FILIP1L: variants seen among roughly 807,000 people sequenced by gnomAD.
FILIP1L encodes filamin A interacting protein 1 like, also known as filamin A-interacting protein 1-like.
FILIP1L carries 55 observed loss-of-function variants against 96.6 expected under a neutral mutation model. That is an observed-to-expected ratio of 0.57 (90% CI 0.46 to 0.71). The LOEUF is 0.71. Among genes scored for constraint, FILIP1L ranks in the 30% least tolerant of loss-of-function variants. FILIP1L has a pLI of 0.00. For synonymous variants in FILIP1L, 467 were observed against 473.9 expected, an observed-to-expected ratio of 0.99 and a Z score of 0.19; for missense variants, 1,304 against 1,321.2, an observed-to-expected ratio of 0.99 and a Z score of 0.20.
At chr3:99,928,317 T>C (rs1576579117) in intron 3 of FILIP1L, among the ~76,000 whole-genome samples, 1 of 152,336 alleles carries the variant, frequency 6.6e-6, no homozygotes, top group East Asian at 1.9e-4. Flanking sequence ...GGAGTTATTT[T>C]GGCTTCGAGG....
chr3:99,903,406 C>T (rs1706504902), intron 4 of FILIP1L, among the ~76,000 whole-genome samples: 1 of 152,134 alleles, frequency 6.6e-6, no homozygotes, highest in Non-Finnish European at 1.5e-5. Flanking sequence ...CGCCTGCCAC[C>T]ACACCCAGCT....
intron 1 of FILIP1L, among the ~76,000 whole-genome samples, chr3:100,015,995 T>C (rs562523293): frequency 4.3e-4 from 66 of 152,334 alleles, no homozygotes; most frequent in African/African-American, 1.5e-3. Context: ...CTAAAATATT[T>C]TCATTGCTTT....
intron 1 of FILIP1L, among the ~76,000 whole-genome samples, chr3:99,933,826 A>T (rs1430122986): frequency 6.6e-6 from 1 of 152,198 alleles, no homozygotes; most frequent in African/African-American, 2.4e-5. Flanking sequence ...GGCATGCATT[A>T]GGGTGACTGG....
chr3:99,972,575 T>C (rs955605032), intron 1 of FILIP1L, among the ~76,000 whole-genome samples: 2 of 152,236 alleles, frequency 1.3e-5, no homozygotes, highest in African/African-American at 4.8e-5. Context: ...CCAGTCATTC[T>C]TTCCAGAGTA....
intron 1 of FILIP1L, among the ~76,000 whole-genome samples, chr3:100,011,444 G>GACTA (rs1710154426): frequency 6.6e-6 from 1 of 152,032 alleles, no homozygotes; most frequent in Non-Finnish European, 1.5e-5. Flanking sequence ...ACACCCAGAG[G>GACTA]ACTAGTTAGA....
chr3:99,985,527 A>G (rs1055834514), intron 1 of FILIP1L, among the ~76,000 whole-genome samples: 17 of 152,158 alleles, frequency 1.1e-4, no homozygotes, highest in African/African-American at 4.1e-4. Context: ...GCCAATTCAT[A>G]CTTTTAAAAT....
intron 4 of FILIP1L, among the ~76,000 whole-genome samples, chr3:99,914,584 A>G (rs1433974139): frequency 1.3e-5 from 2 of 152,242 alleles, no homozygotes; most frequent in Non-Finnish European, 2.9e-5. Context: ...AGGTAAAGTT[A>G]TAAAGTAAGA....
intron 3 of FILIP1L, among the ~76,000 whole-genome samples, chr3:99,924,716 T>A (rs1281849368): frequency 6.6e-6 from 1 of 152,138 alleles, no homozygotes; most frequent in Non-Finnish European, 1.5e-5. Flanking sequence ...GAGACAGGGT[T>A]TCTCCACGTT....
chr3:99,937,468 TAGAA>T (rs1320464821), intron 1 of FILIP1L, among the ~76,000 whole-genome samples: 1 of 152,244 alleles, frequency 6.6e-6, no homozygotes, highest in Non-Finnish European at 1.5e-5. Context: ...CATGTCTTAA[TAGAA>T]AGAGTATGAG....
At chr3:99,926,187 T>C (rs1452222040) in intron 3 of FILIP1L, among the ~76,000 whole-genome samples, 1 of 152,228 alleles carries the variant, frequency 6.6e-6, no homozygotes, top group Non-Finnish European at 1.5e-5. Flanking sequence ...GGGCACAAAA[T>C]GACCAAGTCA....
At chr3:100,109,158 G>A (rs1319351677) in intron 1 of FILIP1L, among the ~76,000 whole-genome samples, 1 of 150,980 alleles carries the variant, frequency 6.6e-6, no homozygotes, top group Non-Finnish European at 1.5e-5. Flanking sequence ...GTAAATCAAG[G>A]TGGTTGGACT....
At chr3:99,919,303 C>G (rs1057141368) in intron 4 of FILIP1L, among the ~76,000 whole-genome samples, 1 of 151,300 alleles carries the variant, frequency 6.6e-6, no homozygotes, top group Non-Finnish European at 1.5e-5. Context: ...CTCATAATGC[C>G]TTAGAAGAAT....
At chr3:99,952,012 AT>A (rs998613697) in intron 1 of FILIP1L, among the ~76,000 whole-genome samples, 3 of 152,284 alleles carry the variant, frequency 2.0e-5, no homozygotes, top group African/African-American at 7.2e-5. Context: ...GTTGAAATTT[AT>A]TTTAAAAATT....
rs145116813 is a variant in FILIP1L at position 99,922,947 on chromosome 3, C to T, written c.605+1283G>A. Among the ~76,000 whole-genome samples the T allele has an allele frequency of 1.1e-4, 16 of 152,238 alleles. No individual in the cohort carries two copies. The East Asian group carries it at 3.1e-3, about 29-fold the overall frequency. On this transcript the variant is annotated intron_variant, in intron 4 of 5. Coordinates refer to ENST00000477258, the MANE Select transcript of FILIP1L (RefSeq NM_001387850.1). ...TATTGAAATGGCTCATTAAGTTCCTCAGTATTTTCTTCATTGCCAAATCCT... is the reference window on the plus strand; with the variant it reads ...TATTGAAATGGCTCATTAAGTTCCTTAGTATTTTCTTCATTGCCAAATCCT...
At chr3:99,983,462 GTGTA>G (rs1221999592) in intron 1 of FILIP1L, among the ~76,000 whole-genome samples, 851 of 11,678 alleles carry the variant, frequency 0.073, 14 homozygotes, top group South Asian at 0.15. Context: ...ATATATATGT[GTGTA>G]TATATATATA....
chr3:100,044,286 A>G (rs985161496), intron 1 of FILIP1L, among the ~76,000 whole-genome samples: 1 of 152,248 alleles, frequency 6.6e-6, no homozygotes, highest in South Asian at 2.1e-4. Context: ...CTTTGCCCTA[A>G]TGAAGTTTAT....
At chr3:100,013,738 G>A (rs1442798460) in intron 1 of FILIP1L, among the ~76,000 whole-genome samples, 1 of 152,098 alleles carries the variant, frequency 6.6e-6, no homozygotes, top group Non-Finnish European at 1.5e-5. Context: ...TGTGTACAAT[G>A]CAATGTTTGA....
intron 5 of FILIP1L, among the ~76,000 whole-genome samples, chr3:99,831,967 G>A (rs987331762): frequency 6.6e-6 from 1 of 152,148 alleles, no homozygotes; most frequent in Non-Finnish European, 1.5e-5. Context: ...AGACAGATTG[G>A]TATGACACAC....
At chr3:100,013,098 A>G (rs904238067) in intron 1 of FILIP1L, among the ~76,000 whole-genome samples, 1 of 151,780 alleles carries the variant, frequency 6.6e-6, no homozygotes, top group Non-Finnish European at 1.5e-5. Context: ...GCTGATCTTG[A>G]ACTCCTGGGC....
Sources: gnomAD v4.1 joint callset for allele counts (sites outside exome capture counted in the v4.1 genomes callset) on GRCh38, gnomAD v4.1.1 for gene constraint, MANE v1.5 for transcripts, NCBI Gene and HGNC (gene_info 2026-07-23, HGNC 2026-07-21) for gene names.